The following CHD2 variants were observed in gnomAD, a reference collection of about 807,000 sequenced individuals.
CHD2 encodes the protein chromodomain helicase DNA binding protein 2.
CHD2 carries 28 observed loss-of-function variants against 243.9 expected under a neutral mutation model. That is an observed-to-expected ratio of 0.11 (90% confidence interval 0.09 to 0.16). CHD2 has a LOEUF of 0.16. CHD2 is among the 10% of genes least tolerant of loss of function. The pLI is 1.00. For missense variants in CHD2, 1,386 were observed against 2,209.8 expected (o/e 0.63, Z 7.47); for synonymous variants, 775 against 779.0 (o/e 0.99, Z 0.09).
chr15:92,944,201 A>C (rs961394024), intron 9 of CHD2: 2 of 359,886 alleles, frequency 5.6e-6, no homozygotes, highest in African/African-American at 4.1e-5. Flanking sequence ...ATATCCTTCT[A>C]TGAGTGTAAG....
intron 16 of CHD2, 21 bp downstream of exon 16, chr15:92,956,670 T>G (rs1182557695): frequency 2.5e-6 from 4 of 1,589,458 alleles, no homozygotes; most frequent in Non-Finnish European, 3.4e-6. Flanking sequence ...TCCTGTGTAT[T>G]TCAAAAGATG....
intron 14 of CHD2, 108 bp from the exon 15 acceptor site, chr15:92,955,315 C>G (rs2053605118): frequency 1.6e-6 from 1 of 606,940 alleles, no homozygotes; most frequent in African/African-American, 2.0e-5. Flanking sequence ...GAATTCTAAT[C>G]AGATTTATTT....
intron 24 of CHD2, among the ~76,000 whole-genome samples, chr15:92,983,401 A>G (rs943678031): frequency 6.6e-6 from 1 of 152,218 alleles, no homozygotes; most frequent in Non-Finnish European, 1.5e-5. Context: ...GCATATTTAC[A>G]TCAATCTTAA....
intron 16 of CHD2, among the ~76,000 whole-genome samples, chr15:92,959,061 T>C (rs1248438919): frequency 1.3e-5 from 2 of 152,264 alleles, no homozygotes; most frequent in African/African-American, 4.8e-5. Flanking sequence ...TTTTGAATGT[T>C]GTCTTTCAAA....
intron 2 of CHD2, among the ~76,000 whole-genome samples, chr15:92,909,199 A>G (rs1043108110): frequency 6.6e-6 from 1 of 151,888 alleles, no homozygotes; most frequent in African/African-American, 2.4e-5. Context: ...AGTGTCTTCT[A>G]GTCGCTTTAA....
At position 92,967,364 on chromosome 15, in the gene CHD2, G is replaced by A. The variant is rs2141830624; in HGVS notation, c.2040G>A (p.Lys680=). The A allele has an allele frequency of 6.2e-7, 1 of 1,612,506 alleles. No homozygotes were observed. The highest frequency in any genetic ancestry group is 1.7e-4 in the Middle Eastern group (1 of 6,056). ...FWEDFEEDHG[K]GRENGYQSLH... ...AAGATTTTGAAGAAGACCATGGGAA[G>A]GGGAGAGAAAATGGCTACCAGAGTC... The change falls in exon 17 of 39, where the codon AAG becomes AAA. Residue 680 remains lysine (K), a synonymous_variant. Transcript: ENST00000394196.
In CHD2 at chr15:92,997,200, C is replaced by T; in HGVS notation, c.3735-53C>T. ...AGTATTTTTACTGTCTCTTCTTTAA[C>T]ATACCAAAAAGGCCCCTCTTCTAAT... is the stretch of plus-strand genomic sequence containing the variant. On this transcript the variant is annotated intron_variant, in intron 29 of 38. Coordinates refer to ENST00000394196, the MANE Select transcript of CHD2 (RefSeq NM_001271.4). This position sits in a 1 kb window ranked among gnomAD's most constrained non-coding sequence, Gnocchi z 4.1. The T allele has an allele frequency of 6.2e-7, 1 of 1,609,336 alleles. No homozygotes were observed. The highest frequency in any genetic ancestry group is 8.5e-7 in the Non-Finnish European group (1 of 1,178,196).
At chr15:92,968,147 T>C (rs1391628551) in intron 17 of CHD2, among the ~76,000 whole-genome samples, 1 of 152,186 alleles carries the variant, frequency 6.6e-6, no homozygotes, top group East Asian at 1.9e-4. Context: ...CTTATAAATT[T>C]TTTGAGTCAG....
intron 12 of CHD2, chr15:92,946,466 T>TATTC: frequency 3.2e-6 from 1 of 308,854 alleles, no homozygotes. Context: ...TGAAAGGATT[T>TATTC]AGGCACTTTT....
chr15:92,927,773 C>T (rs2053090445), intron 4 of CHD2, among the ~76,000 whole-genome samples: 1 of 152,110 alleles, frequency 6.6e-6, no homozygotes, highest in Non-Finnish European at 1.5e-5. Flanking sequence ...AATGTATCTA[C>T]TTTTATTTAA....
intron 34 of CHD2, among the ~76,000 whole-genome samples, chr15:93,008,915 A>G (rs2054356116): frequency 6.6e-6 from 1 of 152,152 alleles, no homozygotes; most frequent in African/African-American, 2.4e-5. Flanking sequence ...GAGGTTAAGT[A>G]AGGCGTGAAG....
At chr15:93,024,095 G>A (rs529471306) in intron 38 of CHD2, among the ~76,000 whole-genome samples, 1 of 152,038 alleles carries the variant, frequency 6.6e-6, no homozygotes, top group Non-Finnish European at 1.5e-5. Context: ...AATGTTTATG[G>A]ATCTTACCAG....
At chr15:92,986,519 C>T (rs1416360920) in intron 26 of CHD2, among the ~76,000 whole-genome samples, 2 of 152,094 alleles carry the variant, frequency 1.3e-5, no homozygotes, top group Non-Finnish European at 1.5e-5. Context: ...GCATGTAACA[C>T]ATCCCCTCTT....
intron 2 of CHD2, among the ~76,000 whole-genome samples, chr15:92,913,669 T>A (rs997386779): frequency 6.6e-6 from 1 of 152,134 alleles, no homozygotes; most frequent in Non-Finnish European, 1.5e-5. Flanking sequence ...TTGGGCAATT[T>A]AGGGAGATGC....
At chr15:92,937,415 T>C in intron 5 of CHD2, 103 bp from the exon 6 acceptor site, 2 of 737,768 alleles carry the variant, frequency 2.7e-6, no homozygotes, top group Non-Finnish European at 4.4e-6. Context: ...AAAATGTGCA[T>C]GTTCTGCCCT....
chr15:92,984,581 C>T (rs1272527471), intron 25 of CHD2, 81 bp downstream of exon 25: 50 of 1,306,808 alleles, frequency 3.8e-5, no homozygotes, highest in Non-Finnish European at 5.0e-5. Context: ...AAAGAAGAGG[C>T]CTTGCATTGT....
intron 17 of CHD2, 23 bp downstream of exon 17, chr15:92,967,536 C>T: frequency 1.2e-6 from 2 of 1,600,664 alleles, no homozygotes; most frequent in Non-Finnish European, 1.7e-6. Flanking sequence ...TTGGGTTAGG[C>T]CTGAAGGGGT....
chr15:92,945,807 T>A lies in CHD2; in HGVS notation c.1154-14T>A. The A allele has an allele frequency of 6.5e-7, 1 of 1,533,154 alleles. No homozygotes were observed. The highest frequency in any genetic ancestry group is 8.8e-7 in the Non-Finnish European group (1 of 1,131,834). 95.0% of individuals were successfully genotyped at this position (1,533,154 alleles called of 1,614,324 possible). ...GTGTTTATAACTTTTCTGTCTTATT[T>A]TTTATTTGTTTAGCTGTGAAGACAA... On this transcript the variant is annotated splice_polypyrimidine_tract_variant and intron_variant, in intron 10 of 38. Transcript: ENST00000394196.
intron 19 of CHD2, among the ~76,000 whole-genome samples, chr15:92,972,806 C>CCGCCACTGCACTCCAG (rs1366138520): frequency 1.9e-4 from 2 of 10,676 alleles, no homozygotes; most frequent in African/African-American, 2.7e-4. Flanking sequence ...AGCCGAGATC[C>CCGCCACTGCACTCCAG]CGCCACTGCA....
Sources: gnomAD v4.1 joint callset for allele counts (sites outside exome capture counted in the v4.1 genomes callset) on GRCh38, gnomAD v4.1.1 for gene constraint, Gnocchi (gnomAD v3.1) non-coding constraint, MANE v1.5 for transcripts, NCBI Gene and HGNC (gene_info 2026-07-23, HGNC 2026-07-21) for gene names.